The following OSBPL1A variants were observed in gnomAD, a reference collection of about 807,000 sequenced individuals.
The protein encoded by OSBPL1A is oxysterol binding protein like 1A.
Under a neutral mutation model 137.1 loss-of-function variants are expected in OSBPL1A, and 80 were observed. The observed-to-expected ratio is 0.58, with a 90% CI of 0.49 to 0.70. OSBPL1A has a LOEUF of 0.70. OSBPL1A is among the 30% of genes least tolerant of loss of function. The pLI, the probability that OSBPL1A is intolerant of heterozygous loss-of-function variation, is 0.00. For synonymous variants in OSBPL1A, 365 were observed against 389.7 expected (o/e 0.94, Z 0.75); for missense variants, 970 against 1,129.4 (o/e 0.86, Z 2.02).
chr18:24,348,200 T>A (rs986726587), intron 4 of OSBPL1A, among the ~76,000 whole-genome samples: 1 of 152,130 alleles, frequency 6.6e-6, no homozygotes, highest in Admixed American at 6.6e-5. Context: ...GTATATCCAC[T>A]TAAAAGATAA....
intron 15 of OSBPL1A, among the ~76,000 whole-genome samples, chr18:24,262,656 G>A (rs1485043460): frequency 5.9e-5 from 9 of 151,780 alleles, no homozygotes; most frequent in East Asian, 3.9e-4. Flanking sequence ...AAATATATAC[G>A]CCGCCATGTA....
intron 4 of OSBPL1A, among the ~76,000 whole-genome samples, chr18:24,358,823 T>C (rs2091577229): frequency 1.3e-5 from 2 of 152,200 alleles, no homozygotes; most frequent in Admixed American, 6.5e-5. Flanking sequence ...TCACTCACTG[T>C]AGCCTCAAAC....
At chr18:24,289,586 A>T (rs1351339850) in intron 14 of OSBPL1A, among the ~76,000 whole-genome samples, 1 of 151,728 alleles carries the variant, frequency 6.6e-6, no homozygotes, top group African/African-American at 2.4e-5. Context: ...CATTCGGCTA[A>T]TTTTTGTATT....
chr18:24,224,725 G>T (rs1378525268), intron 17 of OSBPL1A, among the ~76,000 whole-genome samples: 1 of 152,194 alleles, frequency 6.6e-6, no homozygotes, highest in Non-Finnish European at 1.5e-5. Context: ...CATAAAAGAT[G>T]TATGATGAGA....
intron 13 of OSBPL1A, among the ~76,000 whole-genome samples, chr18:24,308,416 C>T (rs111623344): frequency 7.3e-4 from 111 of 151,460 alleles, no homozygotes; most frequent in South Asian, 5.7e-3. Flanking sequence ...GATGGGGATT[C>T]GCCATGTTGC....
chr18:24,394,329 T>C lies in OSBPL1A; in HGVS notation c.-3+3326A>G, dbSNP rs541687643. On this transcript the variant is annotated intron_variant, in intron 1 of 27. Coordinates refer to ENST00000319481, the MANE Select transcript of OSBPL1A (RefSeq NM_080597.4). ...CCATATTCGGTTGGAAATTTTAATG[T>C]TTCTTAAAATTAGTAAAAATTAAAT... Among the ~76,000 whole-genome samples the C allele has an allele frequency of 2.8e-3, 426 of 152,338 alleles. 2 individuals are homozygous for C. Among genetic ancestry groups the C allele is most frequent in the African/African-American group, 9.5e-3 (393 of 41,582 alleles).
At chr18:24,294,543 G>A (rs1348406797) in intron 14 of OSBPL1A, among the ~76,000 whole-genome samples, 1 of 151,900 alleles carries the variant, frequency 6.6e-6, no homozygotes, top group Admixed American at 6.6e-5. Flanking sequence ...CCAATATGTA[G>A]ATTTTAATTT....
intron 18 of OSBPL1A, among the ~76,000 whole-genome samples, chr18:24,185,869 G>A (rs892566537): frequency 1.2e-4 from 18 of 152,222 alleles, no homozygotes; most frequent in Admixed American, 5.9e-4. Flanking sequence ...CCAGGAATTC[G>A]AGACCCGCCT....
chr18:24,192,542 T>A (rs1464698481), intron 18 of OSBPL1A, among the ~76,000 whole-genome samples: 1 of 152,174 alleles, frequency 6.6e-6, no homozygotes, highest in African/African-American at 2.4e-5. Context: ...ATAATCCTGC[T>A]CAAAACAGAC....
chr18:24,363,435 T>C (rs1193492831), intron 4 of OSBPL1A, among the ~76,000 whole-genome samples: 2 of 149,780 alleles, frequency 1.3e-5, no homozygotes, highest in Non-Finnish European at 2.9e-5. Flanking sequence ...CTTCTTTCTT[T>C]TTCTTTTTTT....
chr18:24,228,006 CAT>C (rs2088142939), intron 16 of OSBPL1A, among the ~76,000 whole-genome samples: 1 of 152,058 alleles, frequency 6.6e-6, no homozygotes, highest in Admixed American at 6.5e-5. Context: ...CAAAAGCAGA[CAT>C]AAACATTAAA....
chr18:24,348,574 A>T (rs1763602128), intron 4 of OSBPL1A, among the ~76,000 whole-genome samples: 2 of 151,962 alleles, frequency 1.3e-5, no homozygotes, highest in Non-Finnish European at 2.9e-5. Flanking sequence ...GGAGTTTGAG[A>T]TCTGCCTGGC....
At chr18:24,316,087 C>T (rs2090730496) in intron 11 of OSBPL1A, among the ~76,000 whole-genome samples, 1 of 150,836 alleles carries the variant, frequency 6.6e-6, no homozygotes, top group South Asian at 2.1e-4. Flanking sequence ...ATGGCAAAAC[C>T]CCGTCTTTAC....
intron 13 of OSBPL1A, among the ~76,000 whole-genome samples, chr18:24,310,061 G>GAA (rs1204969640): frequency 1.9e-5 from 2 of 104,308 alleles, no homozygotes; most frequent in African/African-American, 6.9e-5. Context: ...AAAAAAAAAA[G>GAA]AAAAAAAAAA....
In OSBPL1A at chr18:24,268,780, G is replaced by A. The variant is rs117313416; in HGVS notation, c.1281+12062C>T. On this transcript the variant is annotated intron_variant, in intron 15 of 27. Coordinates refer to ENST00000319481, the MANE Select transcript of OSBPL1A (RefSeq NM_080597.4). ...CTTTTGATTTCAAACTTGTTCAAGC[G>A]TCTTCTCCTAGGTAACATTATTCGT... is the stretch of plus-strand genomic sequence containing the variant. Among the ~76,000 whole-genome samples, 14 of 152,178 alleles carry A rather than the reference G, an allele frequency of 9.2e-5. No homozygotes were observed. In the East Asian group the frequency reaches 2.1e-3, roughly 23 times the overall value.
At chr18:24,178,293 T>G (rs2086507366) in intron 20 of OSBPL1A, 98 bp from the exon 21 acceptor site, 1 of 1,168,944 alleles carries the variant, frequency 8.6e-7, no homozygotes. Context: ...AAGTAAACAA[T>G]TCTTTTGTTG....
chr18:24,371,372 C>A (rs1489854040), intron 2 of OSBPL1A, among the ~76,000 whole-genome samples: 1 of 152,156 alleles, frequency 6.6e-6, no homozygotes, highest in African/African-American at 2.4e-5. Context: ...ACATATTCAG[C>A]TTCACAGAGA....
intron 17 of OSBPL1A, among the ~76,000 whole-genome samples, chr18:24,217,683 GA>G (rs2087752410): frequency 6.6e-6 from 1 of 152,198 alleles, no homozygotes; most frequent in Non-Finnish European, 1.5e-5. Context: ...ATCATTAGGT[GA>G]AAGACTGTCA....
At chr18:24,227,099 G>C (rs757169377) in intron 16 of OSBPL1A, among the ~76,000 whole-genome samples, 16 of 151,858 alleles carry the variant, frequency 1.1e-4, no homozygotes, top group Non-Finnish European at 2.1e-4. Context: ...CACCATGTTG[G>C]CCAGGCTGGT....
Sources: gnomAD v4.1 joint callset for allele counts (sites outside exome capture counted in the v4.1 genomes callset) on GRCh38, gnomAD v4.1.1 for gene constraint, MANE v1.5 for transcripts, NCBI Gene and HGNC (gene_info 2026-07-23, HGNC 2026-07-21) for gene names.